Variants in SCML2 observed in about 807,000 individuals in gnomAD.
The protein encoded by SCML2 is Scm polycomb group protein like 2.
SCML2 carries 6 observed loss-of-function variants against 48.4 expected under a neutral mutation model. The observed-to-expected ratio is 0.12, with a 90% CI of 0.07 to 0.24. The LOEUF is 0.24. SCML2 is among the 10% of genes least tolerant of loss of function. The probability of loss-of-function intolerance (pLI) is 1.00; values close to 1 mark genes in which losing one functional copy is unlikely to be tolerated. For synonymous variants in SCML2, 181 were observed against 189.5 expected (o/e 0.95, Z 0.37); for missense variants, 377 against 528.2 (o/e 0.71, Z 2.81).
intron 3 of SCML2, among the ~76,000 whole-genome samples, chrX:18,330,354 T>C (rs1434552045): frequency 8.9e-6 from 1 of 112,307 alleles, no homozygotes; most frequent in Non-Finnish European, 1.9e-5. Context: ...AAATTTGCAC[T>C]GAAATATACA....
At chrX:18,308,862 C>A (rs916424344) in intron 6 of SCML2, among the ~76,000 whole-genome samples, 1 of 110,773 alleles carries the variant, frequency 9.0e-6, no homozygotes. Flanking sequence ...GGCTAACAAG[C>A]GTATGAAAAA....
intron 7 of SCML2, among the ~76,000 whole-genome samples, chrX:18,269,184 T>C (rs1024116519): frequency 1.2e-4 from 13 of 112,115 alleles, no homozygotes; most frequent in African/African-American, 4.2e-4. Flanking sequence ...GTTACTGAGA[T>C]GGTTAGGCTT....
At chrX:18,330,798 T>C (rs1384969316) in intron 2 of SCML2, 143 bp from the exon 3 acceptor site, 1 of 371,012 alleles carries the variant, frequency 2.7e-6, no homozygotes, top group East Asian at 4.3e-5. Flanking sequence ...TACCATTTTC[T>C]AATGTACTAT....
intron 6 of SCML2, among the ~76,000 whole-genome samples, chrX:18,309,156 G>A (rs1928862231): frequency 9.6e-6 from 1 of 104,471 alleles, no homozygotes; most frequent in Admixed American, 1.0e-4. Context: ...AGCCGAGATT[G>A]GGCCACTGCA....
intron 3 of SCML2, among the ~76,000 whole-genome samples, chrX:18,325,599 T>C (rs1038194227): frequency 8.9e-6 from 1 of 111,763 alleles, no homozygotes; most frequent in Admixed American, 9.6e-5. Context: ...GACCTACATT[T>C]TCTACAGACT....
chrX:18,285,179 C>T lies in SCML2; in HGVS notation c.731-19377G>A, dbSNP rs182839493. On this transcript the variant is annotated intron_variant, in intron 7 of 14. Transcript: ENST00000251900. Reference sequence around the variant, plus strand: ...CCTCAAAGAACTCAGAACTACCATTCGGCCCAGCAATCCCATTACTGAGTA... The same window carrying T: ...CCTCAAAGAACTCAGAACTACCATTTGGCCCAGCAATCCCATTACTGAGTA... 2.6e-3 allele frequency among the ~76,000 whole-genome samples: 291 copies of T among 110,951 alleles called. 1 individual carries two copies. Among genetic ancestry groups the T allele is most frequent in the Non-Finnish European group, 2.5e-3 (130 of 52,971 alleles).
chrX:18,302,710 C>T (rs1372644320), intron 7 of SCML2, among the ~76,000 whole-genome samples: 1 of 111,728 alleles, frequency 9.0e-6, no homozygotes, highest in African/African-American at 3.3e-5. Context: ...CCATCCCAAG[C>T]ACCTATAATC....
At chrX:18,334,224 C>G (rs1366172052) in intron 1 of SCML2, 129 bp from the exon 2 acceptor site, 10 of 418,348 alleles carry the variant, frequency 2.4e-5, no homozygotes, top group Non-Finnish European at 3.6e-5. Flanking sequence ...TTTGTATATG[C>G]CTAGTTGCCT....
intron 1 of SCML2, among the ~76,000 whole-genome samples, chrX:18,353,818 G>A (rs1326274099): frequency 1.8e-5 from 2 of 112,740 alleles, no homozygotes; most frequent in African/African-American, 6.4e-5. Flanking sequence ...TTCTCCCTCC[G>A]GCTCTTCACA....
At chrX:18,262,337 C>CT (rs780523423) in intron 8 of SCML2, among the ~76,000 whole-genome samples, 1,222 of 78,386 alleles carry the variant, frequency 0.016, 46 homozygotes, top group African/African-American at 0.031. Flanking sequence ...CTGGGTCTAC[C>CT]TTTTTTTTTT....
intron 1 of SCML2, among the ~76,000 whole-genome samples, chrX:18,353,496 T>G (rs1038058639): frequency 1.1e-4 from 12 of 112,393 alleles, no homozygotes; most frequent in Admixed American, 6.6e-4. Context: ...ACTTATTCAC[T>G]TTCCCTGCCT....
At chrX:18,255,674 G>T (rs899052687) in intron 11 of SCML2, among the ~76,000 whole-genome samples, 2 of 112,337 alleles carry the variant, frequency 1.8e-5, no homozygotes, top group Admixed American at 1.9e-4. Flanking sequence ...AGATGTCACT[G>T]AAGTAGAGGA....
At chrX:18,246,011 T>A (rs1926432376) in intron 13 of SCML2, among the ~76,000 whole-genome samples, 1 of 112,422 alleles carries the variant, frequency 8.9e-6, no homozygotes, top group African/African-American at 3.2e-5. Flanking sequence ...AGTGCTAGGA[T>A]TACAGGTGTG....
intron 7 of SCML2, among the ~76,000 whole-genome samples, chrX:18,297,946 C>T (rs1403836717): frequency 9.0e-6 from 1 of 111,318 alleles, no homozygotes; most frequent in Non-Finnish European, 1.9e-5. Context: ...GAGGTGGAAG[C>T]TGTATTGAGC....
At chrX:18,287,540 G>A (rs1158500630) in intron 7 of SCML2, among the ~76,000 whole-genome samples, 1 of 111,765 alleles carries the variant, frequency 8.9e-6, no homozygotes, top group Non-Finnish European at 1.9e-5. Flanking sequence ...CAAACCCAAT[G>A]AGACATTAAA....
At chrX:18,340,804 C>T (rs1227345014) in intron 1 of SCML2, among the ~76,000 whole-genome samples, 1 of 95,211 alleles carries the variant, frequency 1.1e-5, no homozygotes, top group Non-Finnish European at 2.1e-5. Context: ...AGCAAGACTC[C>T]GTCTCAAAAA....
At chrX:18,328,782 C>A (rs1419554114) in intron 3 of SCML2, among the ~76,000 whole-genome samples, 2 of 112,350 alleles carry the variant, frequency 1.8e-5, no homozygotes, top group African/African-American at 6.5e-5. Flanking sequence ...ACTGCAGATG[C>A]ATGAGTTAAT....
At chrX:18,319,595 CAA>C (rs1354418550) in intron 6 of SCML2, among the ~76,000 whole-genome samples, 2 of 34,042 alleles carry the variant, frequency 5.9e-5, no homozygotes, top group Non-Finnish European at 5.8e-5. Context: ...GACTCTGTCT[CAA>C]AAAAAAAAAA....
At chrX:18,319,551 C>T (rs1047857633) in intron 6 of SCML2, among the ~76,000 whole-genome samples, 7 of 98,570 alleles carry the variant, frequency 7.1e-5, no homozygotes, top group Admixed American at 1.1e-4. Flanking sequence ...GAGCCAAAAT[C>T]GTGCCACTGT....
Sources: allele counts gnomAD v4.1 joint callset (sites outside exome capture counted in the v4.1 genomes callset), GRCh38; gene constraint gnomAD v4.1.1; transcripts MANE v1.5; gene names NCBI Gene and HGNC (gene_info 2026-07-23, HGNC 2026-07-21).